Variants in WDR7 observed in about 807,000 individuals in gnomAD.
WDR7 encodes WD repeat domain 7.
In WDR7, 46 loss-of-function variants were observed where a neutral mutation model predicts 169.4. That is an observed-to-expected ratio of 0.27 (90% CI 0.21 to 0.35). The LOEUF (loss-of-function observed/expected upper bound fraction) is 0.35. Ranked by LOEUF, WDR7 falls within the 10% of genes least tolerant of loss-of-function variation. WDR7 has a pLI of 1.00. For missense variants in WDR7, 1,534 were observed against 1,859.3 expected, an observed-to-expected ratio of 0.83 and a Z score of 3.22; for synonymous variants, 612 against 666.8, an observed-to-expected ratio of 0.92 and a Z score of 1.27.
chr18:56,818,420 A>G (rs2045022683), intron 20 of WDR7, among the ~76,000 whole-genome samples: 1 of 152,236 alleles, frequency 6.6e-6, no homozygotes, highest in Non-Finnish European at 1.5e-5. Context: ...AATGCTACAT[A>G]CACTATATTT....
At chr18:56,832,625 G>A (rs372434158) in intron 20 of WDR7, among the ~76,000 whole-genome samples, 20 of 152,292 alleles carry the variant, frequency 1.3e-4, no homozygotes, top group South Asian at 1.2e-3. Context: ...CCTCTGTGAC[G>A]AAGCTTCCAG....
At chr18:56,755,858 C>T (rs1214146236) in intron 14 of WDR7, among the ~76,000 whole-genome samples, 1 of 152,104 alleles carries the variant, frequency 6.6e-6, no homozygotes, top group African/African-American at 2.4e-5. Flanking sequence ...GCTTCTTATT[C>T]TTTCTTTTAG....
chr18:56,926,655 T>TA (rs1435808892), intron 22 of WDR7, among the ~76,000 whole-genome samples: 1 of 152,234 alleles, frequency 6.6e-6, no homozygotes, highest in Non-Finnish European at 1.5e-5. Context: ...ATCTTGCTAT[T>TA]ACATCCTTTT....
At chr18:56,948,346 T>G (rs1389960003) in intron 25 of WDR7, among the ~76,000 whole-genome samples, 1 of 152,168 alleles carries the variant, frequency 6.6e-6, no homozygotes, top group East Asian at 1.9e-4. Context: ...GGCAGTTTAT[T>G]TGATGTATAA....
At chr18:56,765,454 C>G (rs1223710118) in intron 16 of WDR7, among the ~76,000 whole-genome samples, 1 of 151,806 alleles carries the variant, frequency 6.6e-6, no homozygotes, top group East Asian at 1.9e-4. Context: ...TCCGTTATCA[C>G]AGTGTACATT....
chr18:56,851,773 A>C (rs1225954068), intron 20 of WDR7, among the ~76,000 whole-genome samples: 1 of 152,196 alleles, frequency 6.6e-6, no homozygotes, highest in South Asian at 2.1e-4. Context: ...AGAATCACCA[A>C]TGTGGTCTTT....
At chr18:56,738,017 C>T (rs1021384361) in intron 14 of WDR7, among the ~76,000 whole-genome samples, 6 of 151,870 alleles carry the variant, frequency 4.0e-5, no homozygotes, top group African/African-American at 1.5e-4. Context: ...GTTATTGGGA[C>T]AAAATTTTAA....
intron 20 of WDR7, among the ~76,000 whole-genome samples, chr18:56,817,217 C>T (rs1036380880): frequency 4.0e-5 from 6 of 151,694 alleles, no homozygotes; most frequent in African/African-American, 9.7e-5. Flanking sequence ...TGGTGGTGGG[C>T]GCCTGTCATT....
At chr18:56,873,846 C>T (rs1033082894) in intron 20 of WDR7, 2 of 152,240 alleles carry the variant, frequency 1.3e-5, no homozygotes, top group Non-Finnish European at 2.9e-5. Flanking sequence ...ACCAGGCTCT[C>T]TGTCTGAGCA....
intron 16 of WDR7, among the ~76,000 whole-genome samples, chr18:56,776,286 T>C (rs1288237702): frequency 2.6e-5 from 4 of 152,126 alleles, no homozygotes; most frequent in African/African-American, 9.7e-5. Context: ...AAATTGAGTT[T>C]TCATAAAATA....
In WDR7 at chr18:56,923,912, A is replaced by G. The variant is rs370302714; in HGVS notation, c.3527-10A>G. The G allele has an allele frequency of 2.0e-4, 304 of 1,527,600 alleles. No individual in the cohort carries two copies. The highest frequency in any genetic ancestry group is 2.4e-4 in the Non-Finnish European group (278 of 1,141,824). 94.6% of individuals were successfully genotyped at this position (1,527,600 alleles called of 1,614,324 possible). ...CCCCTTTTGCTCTGCATTTTATTCTATAATTTCAGGCAAGGCACTGACGTT... is the reference window on the plus strand; with the variant it reads ...CCCCTTTTGCTCTGCATTTTATTCTGTAATTTCAGGCAAGGCACTGACGTT... On this transcript the variant is annotated splice_polypyrimidine_tract_variant and intron_variant, in intron 21 of 27. Coordinates refer to ENST00000254442, the MANE Select transcript of WDR7 (RefSeq NM_015285.3).
At chr18:56,898,317 A>G (rs2046356259) in intron 21 of WDR7, among the ~76,000 whole-genome samples, 1 of 152,114 alleles carries the variant, frequency 6.6e-6, no homozygotes, top group African/African-American at 2.4e-5. Flanking sequence ...GTTAATAAAT[A>G]TAGCAAGAAT....
intron 21 of WDR7, among the ~76,000 whole-genome samples, chr18:56,886,811 A>G (rs2046203190): frequency 6.6e-6 from 1 of 152,234 alleles, no homozygotes; most frequent in Admixed American, 6.5e-5. Context: ...GCAAATGGAC[A>G]TCAAAAATAA....
chr18:56,977,172 G>T (rs907129299), intron 26 of WDR7, among the ~76,000 whole-genome samples: 1 of 152,172 alleles, frequency 6.6e-6, no homozygotes, highest in Non-Finnish European at 1.5e-5. Flanking sequence ...TCAATAAATC[G>T]TGGTGGTGGG....
chr18:56,887,811 C>T (rs2145510145), intron 21 of WDR7, among the ~76,000 whole-genome samples: 1 of 152,218 alleles, frequency 6.6e-6, no homozygotes, highest in Admixed American at 6.5e-5. Context: ...TGTTTGAAAA[C>T]AATTAGATGT....
intron 19 of WDR7, among the ~76,000 whole-genome samples, chr18:56,787,905 G>A (rs1455911983): frequency 1.3e-5 from 2 of 152,160 alleles, no homozygotes; most frequent in African/African-American, 4.8e-5. Flanking sequence ...TATTTTTAGG[G>A]TTTGTTCGTA....
intron 19 of WDR7, among the ~76,000 whole-genome samples, chr18:56,795,042 C>G (rs576874116): frequency 1.3e-5 from 2 of 152,226 alleles, no homozygotes; most frequent in South Asian, 4.1e-4. Flanking sequence ...TACTCTGCAC[C>G]CTGGCTACAC....
At chr18:56,804,741 A>G (rs1008722618) in intron 19 of WDR7, among the ~76,000 whole-genome samples, 2 of 152,252 alleles carry the variant, frequency 1.3e-5, no homozygotes, top group Non-Finnish European at 2.9e-5. Context: ...GCGACAGATC[A>G]TCACATAGGC....
intron 20 of WDR7, among the ~76,000 whole-genome samples, chr18:56,859,977 A>G (rs1263451046): frequency 6.6e-6 from 1 of 152,220 alleles, no homozygotes; most frequent in African/African-American, 2.4e-5. Flanking sequence ...AAATGATTCT[A>G]AGATATTTTG....
Sources: allele counts gnomAD v4.1 joint callset (sites outside exome capture counted in the v4.1 genomes callset), GRCh38; gene constraint gnomAD v4.1.1; transcripts MANE v1.5; gene names NCBI Gene and HGNC (gene_info 2026-07-23, HGNC 2026-07-21).